Variants in DYM observed in about 807,000 individuals in gnomAD.
DYM encodes dyggve-Melchior-Clausen syndrome protein.
DYM carries 78 observed loss-of-function variants against 93.1 expected under a neutral mutation model. That is an observed-to-expected ratio of 0.84 (90% CI 0.70 to 1.01). DYM has a LOEUF of 1.01. Among genes scored for constraint, DYM ranks in the 50% least tolerant of loss-of-function variants. The probability of loss-of-function intolerance (pLI) is 0.00; values close to 1 mark genes in which losing one functional copy is unlikely to be tolerated. For synonymous variants in DYM, 321 were observed against 319.7 expected, an observed-to-expected ratio of 1.00 and a Z score of -0.04; for missense variants, 789 against 845.0, an observed-to-expected ratio of 0.93 and a Z score of 0.82.
At chr18:49,320,245 T>G (rs1568242203) in intron 8 of DYM, among the ~76,000 whole-genome samples, 2 of 152,188 alleles carry the variant, frequency 1.3e-5, no homozygotes, top group Admixed American at 6.5e-5. Context: ...ACAGTGATTC[T>G]ATTTTCCTCC....
At chr18:49,257,400 T>C (rs2094410161) in intron 12 of DYM, among the ~76,000 whole-genome samples, 1 of 152,240 alleles carries the variant, frequency 6.6e-6, no homozygotes, top group Non-Finnish European at 1.5e-5. Flanking sequence ...CTTAAGGCCC[T>C]AATGGTTACA....
chr18:49,399,932 TTC>T (rs1461440986), intron 2 of DYM, among the ~76,000 whole-genome samples: 9,394 of 134,876 alleles, frequency 0.07, 304 homozygotes, highest in East Asian at 0.24. Context: ...ATTTTTATTT[TTC>T]TTTTTTTTTT....
At chr18:49,108,054 C>T (rs1439921725) in intron 16 of DYM, among the ~76,000 whole-genome samples, 1 of 152,126 alleles carries the variant, frequency 6.6e-6, no homozygotes, top group East Asian at 1.9e-4. Flanking sequence ...TGGGCTCCAC[C>T]CAGTTCGAGC....
chr18:49,197,917 C>T (rs1167548993), intron 14 of DYM, among the ~76,000 whole-genome samples: 9 of 152,140 alleles, frequency 5.9e-5, no homozygotes, highest in East Asian at 1.9e-4. Context: ...GAGCCCGCAT[C>T]GCCAAGTCAA....
At chr18:49,150,631 C>T (rs528495748) in intron 15 of DYM, among the ~76,000 whole-genome samples, 46 of 152,300 alleles carry the variant, frequency 3.0e-4, no homozygotes, top group South Asian at 6.2e-4. Flanking sequence ...CATTTTGTTA[C>T]GGCATCTTGA....
chr18:49,428,623 T>C (rs541684361), intron 2 of DYM, among the ~76,000 whole-genome samples: 22 of 152,228 alleles, frequency 1.4e-4, no homozygotes, highest in Non-Finnish European at 2.4e-4. Flanking sequence ...GAGGCAGAGT[T>C]TGCAGTGAGC....
At chr18:49,296,785 TTC>T (rs1305139849) in intron 8 of DYM, among the ~76,000 whole-genome samples, 1 of 152,252 alleles carries the variant, frequency 6.6e-6, no homozygotes, top group African/African-American at 2.4e-5. Context: ...CAGTCATTTG[TTC>T]TAATACAAAG....
At chr18:49,322,875 A>C (rs2062595495) in intron 8 of DYM, among the ~76,000 whole-genome samples, 3 of 152,174 alleles carry the variant, frequency 2.0e-5, no homozygotes, top group Admixed American at 2.0e-4. Context: ...AGCCCCACAA[A>C]GGAAGGTATT....
intron 13 of DYM, among the ~76,000 whole-genome samples, chr18:49,225,261 C>T (rs2093489399): frequency 6.6e-6 from 1 of 151,990 alleles, no homozygotes; most frequent in Non-Finnish European, 1.5e-5. Flanking sequence ...CTTACATATC[C>T]AAGAAAATAA....
chr18:49,280,871 C>A (rs1342002915), intron 10 of DYM, among the ~76,000 whole-genome samples: 1 of 152,174 alleles, frequency 6.6e-6, no homozygotes, highest in Admixed American at 6.5e-5. Context: ...CTAGGCAATA[C>A]CATTCAGGAC....
intron 2 of DYM, among the ~76,000 whole-genome samples, chr18:49,418,420 T>A (rs2073251350): frequency 6.6e-6 from 1 of 152,226 alleles, no homozygotes; most frequent in African/African-American, 2.4e-5. Flanking sequence ...TTGTTTCAGA[T>A]CTTTGCTGCA....
At chr18:49,079,896 G>T (rs1456859487) in intron 17 of DYM, among the ~76,000 whole-genome samples, 1 of 151,322 alleles carries the variant, frequency 6.6e-6, no homozygotes, top group African/African-American at 2.4e-5. Flanking sequence ...TGTCATCCCG[G>T]CCCGTTCTCA....
At chr18:49,196,305 G>A (rs2091444622) in intron 14 of DYM, among the ~76,000 whole-genome samples, 1 of 152,130 alleles carries the variant, frequency 6.6e-6, no homozygotes, top group Non-Finnish European at 1.5e-5. Context: ...CTATTGAAAA[G>A]TGGTCATTAG....
chr18:49,110,404 A>C (rs1228142032), intron 16 of DYM, among the ~76,000 whole-genome samples: 3 of 152,222 alleles, frequency 2.0e-5, no homozygotes, highest in Admixed American at 6.5e-5. Context: ...TCTATAGTAC[A>C]CACTAGCAGT....
At chr18:49,296,844 A>T (rs532223268) in intron 8 of DYM, among the ~76,000 whole-genome samples, 1 of 152,188 alleles carries the variant, frequency 6.6e-6, no homozygotes, top group Non-Finnish European at 1.5e-5. Flanking sequence ...CACACTGGCT[A>T]TATCTCCTAT....
At chr18:49,217,234 T>C (rs889141100) in intron 13 of DYM, among the ~76,000 whole-genome samples, 2 of 152,106 alleles carry the variant, frequency 1.3e-5, no homozygotes, top group African/African-American at 4.8e-5. Flanking sequence ...AACAAAGCCT[T>C]CAAGAAATAT....
intron 14 of DYM, among the ~76,000 whole-genome samples, chr18:49,185,081 T>C (rs934430128): frequency 7.9e-5 from 12 of 152,096 alleles, no homozygotes; most frequent in Non-Finnish European, 1.8e-4. Flanking sequence ...AGAAAGAGTA[T>C]TTCAATAAAA....
At chr18:49,373,892 A>G (rs2067259184) in intron 5 of DYM, among the ~76,000 whole-genome samples, 1 of 152,138 alleles carries the variant, frequency 6.6e-6, no homozygotes, top group Admixed American at 6.5e-5. Context: ...AAGCAGAACT[A>G]TGTTTTTGGT....
intron 8 of DYM, among the ~76,000 whole-genome samples, chr18:49,319,849 C>A (rs2062327349): frequency 6.6e-6 from 1 of 152,126 alleles, no homozygotes; most frequent in Non-Finnish European, 1.5e-5. Context: ...AAGTATGGGA[C>A]CCCTGTGTCC....
Sources: allele counts gnomAD v4.1 joint callset (sites outside exome capture counted in the v4.1 genomes callset), GRCh38; gene constraint gnomAD v4.1.1; transcripts MANE v1.5; gene names NCBI Gene and HGNC (gene_info 2026-07-23, HGNC 2026-07-21).